Variants in LAMA2 observed in about 807,000 individuals in gnomAD.
LAMA2 encodes the protein laminin subunit alpha 2, also known as laminin subunit alpha-2.
In LAMA2, 269 loss-of-function variants were observed where a neutral mutation model predicts 364.8. That is an observed-to-expected ratio of 0.74 (90% CI 0.67 to 0.82). The LOEUF (loss-of-function observed/expected upper bound fraction) is 0.82, where lower values mean the gene tolerates loss of function less well. LAMA2 is among the 40% of genes least tolerant of loss of function. LAMA2 has a pLI of 0.00. For missense variants in LAMA2, 3,807 were observed against 3,873.2 expected (o/e 0.98, Z 0.45); for synonymous variants, 1,379 against 1,370.6 (o/e 1.01, Z -0.14).
chr6:129,177,543 A>G (rs966183804), intron 9 of LAMA2, among the ~76,000 whole-genome samples, 163 bp from the exon 10 acceptor site: 10 of 152,212 alleles, frequency 6.6e-5, no homozygotes, highest in African/African-American at 2.2e-4. Flanking sequence ...AAAGCTTTTA[A>G]TTAAACCCTC....
intron 12 of LAMA2, among the ~76,000 whole-genome samples, chr6:129,213,291 C>T (rs556658140): frequency 4.6e-5 from 7 of 152,270 alleles, no homozygotes; most frequent in Admixed American, 4.6e-4. Flanking sequence ...GAAAAACATC[C>T]TGCTTGCTAC....
At chr6:128,965,883 A>C (rs1781805191) in intron 1 of LAMA2, among the ~76,000 whole-genome samples, 1 of 151,494 alleles carries the variant, frequency 6.6e-6, no homozygotes, top group Non-Finnish European at 1.5e-5. Context: ...AAGGCAATAA[A>C]TTATAACAAT....
chr6:128,924,403 C>T (rs185710980), intron 1 of LAMA2, among the ~76,000 whole-genome samples: 2 of 152,076 alleles, frequency 1.3e-5, no homozygotes, highest in African/African-American at 2.4e-5. Context: ...TTCAACTGCT[C>T]ATAAAGGAGA....
intron 1 of LAMA2, among the ~76,000 whole-genome samples, chr6:128,932,948 T>C (rs1237379298): frequency 2.0e-5 from 3 of 152,308 alleles, no homozygotes; most frequent in Admixed American, 6.5e-5. Flanking sequence ...CTAGAACTTA[T>C]TCATCTTATA....
rs112571212 is a variant in LAMA2, at chr6:129,503,607, C to A, written c.8547+327C>A. Among the ~76,000 whole-genome samples, 1,263 of 152,306 alleles carry A rather than the reference C, an allele frequency of 8.3e-3. 11 individuals carry two copies. Among genetic ancestry groups the A allele is most frequent in the Non-Finnish European group, 0.014 (943 of 68,026 alleles). The stretch of plus-strand genomic sequence containing the variant: ...AGAAACGTAGAACAGAGTGTGTTCA[C>A]CATCAAGCTCGATGTATTCAATTTT... On this transcript the variant is annotated intron_variant, in intron 60 of 64. Coordinates refer to ENST00000421865, the MANE Select transcript of LAMA2 (RefSeq NM_000426.4).
chr6:129,286,401 A>G (rs1463073228), intron 18 of LAMA2, among the ~76,000 whole-genome samples: 2 of 150,708 alleles, frequency 1.3e-5, no homozygotes, highest in Non-Finnish European at 2.9e-5. Flanking sequence ...GGCGCTGCCT[A>G]TAAGGACGTT....
intron 1 of LAMA2, among the ~76,000 whole-genome samples, chr6:128,961,354 T>TATATATATATTTTATATATATATATATA (rs1562873136): frequency 1.3e-5 from 1 of 77,624 alleles, no homozygotes; most frequent in African/African-American, 4.6e-5. Context: ...TATATATATA[T>TATATATATATTTTATATATATATATATA]ATATATATAT....
At chr6:129,181,708 T>C (rs1255334049) in intron 10 of LAMA2, among the ~76,000 whole-genome samples, 1 of 151,784 alleles carries the variant, frequency 6.6e-6, no homozygotes, top group East Asian at 1.9e-4. Context: ...ACTCACAGAA[T>C]TGTAAAATTG....
chr6:129,150,571 G>A (rs375865914), intron 7 of LAMA2, among the ~76,000 whole-genome samples: 2 of 152,114 alleles, frequency 1.3e-5, no homozygotes, highest in Non-Finnish European at 1.5e-5. Flanking sequence ...CGAGCAACTT[G>A]TTAGCAATAG....
intron 7 of LAMA2, among the ~76,000 whole-genome samples, chr6:129,153,087 T>C (rs1778910377): frequency 6.6e-6 from 1 of 152,234 alleles, no homozygotes; most frequent in Non-Finnish European, 1.5e-5. Context: ...GGTTCTATCC[T>C]AATATAAATT....
intron 1 of LAMA2, among the ~76,000 whole-genome samples, chr6:128,944,213 A>G (rs1464263790): frequency 6.6e-6 from 1 of 152,208 alleles, no homozygotes; most frequent in Non-Finnish European, 1.5e-5. Context: ...AAGGATGCTG[A>G]CAATGCACAG....
At chr6:129,441,324 GTAAT>G (rs1782105322) in intron 43 of LAMA2, among the ~76,000 whole-genome samples, 1 of 152,140 alleles carries the variant, frequency 6.6e-6, no homozygotes, top group Admixed American at 6.5e-5. Context: ...TTGTACTTGG[GTAAT>G]TATATCCTCA....
chr6:129,064,936 C>A (rs1036157611), intron 3 of LAMA2, among the ~76,000 whole-genome samples: 1 of 152,066 alleles, frequency 6.6e-6, no homozygotes, highest in Non-Finnish European at 1.5e-5. Context: ...AGCCTGATAC[C>A]AAAGCCAAAG....
intron 3 of LAMA2, among the ~76,000 whole-genome samples, chr6:129,063,358 A>G (rs954290125): frequency 6.6e-6 from 1 of 152,302 alleles, no homozygotes; most frequent in Admixed American, 6.5e-5. Context: ...TAAGATGTCT[A>G]AAACATTCTA....
At position 129,023,839 on chromosome 6, in the gene LAMA2, T is replaced by G. The variant is rs144015143; in HGVS notation, c.113-26079T>G. Among the ~76,000 whole-genome samples the G allele has an allele frequency of 9.8e-4, 150 of 152,344 alleles. 2 individuals carry two copies. The highest frequency in any genetic ancestry group is 1.5e-3 in the Non-Finnish European group (105 of 68,038). On this transcript the variant is annotated intron_variant, in intron 1 of 64. Coordinates refer to ENST00000421865, the MANE Select transcript of LAMA2 (RefSeq NM_000426.4). ...ATCAATTTGCATTATATATCTGATT[T>G]TATTTACTTATAAGTCATGTTCTTT...
chr6:129,220,968 C>T (rs1283305354), intron 12 of LAMA2, among the ~76,000 whole-genome samples: 1 of 152,068 alleles, frequency 6.6e-6, no homozygotes. Context: ...TCAAGACCAG[C>T]CTTGCCAACG....
At chr6:129,125,737 A>G (rs1166156663) in intron 4 of LAMA2, among the ~76,000 whole-genome samples, 5 of 152,214 alleles carry the variant, frequency 3.3e-5, no homozygotes, top group African/African-American at 1.2e-4. Flanking sequence ...AGCATGGTGA[A>G]TAAAATTAAT....
chr6:129,028,340 C>T (rs1562166195), intron 1 of LAMA2, among the ~76,000 whole-genome samples: 1 of 151,388 alleles, frequency 6.6e-6, no homozygotes, highest in African/African-American at 2.4e-5. Context: ...GTCTTCAGTA[C>T]TTTTTTGGGT....
intron 14 of LAMA2, 59 bp from the exon 15 acceptor site, chr6:129,260,652 C>A: frequency 1.0e-6 from 1 of 1,001,206 alleles, no homozygotes; most frequent in Non-Finnish European, 1.6e-6. Flanking sequence ...ACGATTCCTA[C>A]AGCTGTATAA....
Sources: allele counts gnomAD v4.1 joint callset (sites outside exome capture counted in the v4.1 genomes callset), GRCh38; gene constraint gnomAD v4.1.1; transcripts MANE v1.5; gene names NCBI Gene and HGNC (gene_info 2026-07-23, HGNC 2026-07-21).